The following SPAG16 variants were observed in gnomAD, a reference collection of about 807,000 sequenced individuals.
The protein encoded by SPAG16 is sperm associated antigen 16.
SPAG16 carries 86 observed loss-of-function variants against 80.4 expected under a neutral mutation model. The observed-to-expected ratio is 1.07, with a 90% confidence interval of 0.90 to 1.28. The LOEUF (loss-of-function observed/expected upper bound fraction) is 1.28, where lower values mean the gene tolerates loss of function less well. SPAG16 is among the 50% of genes most tolerant of loss of function. The pLI, the probability that SPAG16 is intolerant of heterozygous loss-of-function variation, is 0.00. For synonymous variants in SPAG16, 294 were observed against 265.9 expected (o/e 1.11, Z -1.03); for missense variants, 870 against 765.3 (o/e 1.14, Z -1.61).
intron 3 of SPAG16, among the ~76,000 whole-genome samples, chr2:213,302,315 T>C (rs925559277): frequency 6.6e-6 from 1 of 152,146 alleles, no homozygotes; most frequent in African/African-American, 2.4e-5. Context: ...GTATATAATG[T>C]ATAATAGGGA....
At chr2:213,654,554 A>C (rs1229070084) in intron 10 of SPAG16, among the ~76,000 whole-genome samples, 4 of 149,182 alleles carry the variant, frequency 2.7e-5, no homozygotes, top group Non-Finnish European at 6.0e-5. Flanking sequence ...AAAAAAAAAA[A>C]AAAAAAAAAA....
intron 15 of SPAG16, among the ~76,000 whole-genome samples, chr2:214,277,533 ACAGT>A (rs2125906653): frequency 6.6e-6 from 1 of 152,222 alleles, no homozygotes; most frequent in East Asian, 1.9e-4. Flanking sequence ...TTTCCTTCTG[ACAGT>A]CAGGTCCCTC....
intron 10 of SPAG16, among the ~76,000 whole-genome samples, chr2:213,686,074 A>G (rs534062893): frequency 6.6e-6 from 1 of 152,308 alleles, no homozygotes; most frequent in African/African-American, 2.4e-5. Flanking sequence ...TAATCCAATA[A>G]TTAATGTCTA....
chr2:214,259,555 CG>C (rs1000040132), intron 15 of SPAG16, among the ~76,000 whole-genome samples: 4 of 146,556 alleles, frequency 2.7e-5, no homozygotes, highest in African/African-American at 1.0e-4. Flanking sequence ...CCCCCACACA[CG>C]TTTCGGCAGA....
chr2:214,258,603 A>G (rs1020284860), intron 15 of SPAG16, among the ~76,000 whole-genome samples: 3 of 151,798 alleles, frequency 2.0e-5, no homozygotes, highest in Non-Finnish European at 4.4e-5. Context: ...TGCTGTAAAC[A>G]TGCGGGGGCA....
intron 3 of SPAG16, among the ~76,000 whole-genome samples, chr2:213,306,601 T>C (rs879719903): frequency 1.2e-4 from 18 of 151,824 alleles, no homozygotes; most frequent in African/African-American, 3.9e-4. Flanking sequence ...CCCGTGGTGG[T>C]GAGGCTTTCT....
intron 11 of SPAG16, among the ~76,000 whole-genome samples, chr2:213,921,100 A>T (rs1395205775): frequency 6.6e-6 from 1 of 152,182 alleles, no homozygotes; most frequent in African/African-American, 2.4e-5. Flanking sequence ...CAGCTTTTGT[A>T]TCTTCCCTCC....
intron 15 of SPAG16, among the ~76,000 whole-genome samples, chr2:214,167,081 G>A (rs1277200517): frequency 2.0e-5 from 3 of 152,150 alleles, no homozygotes; most frequent in African/African-American, 7.2e-5. Context: ...CCTAATGGAA[G>A]TTAATAAAGC....
intron 10 of SPAG16, among the ~76,000 whole-genome samples, chr2:213,847,784 C>T (rs1481746295): frequency 3.9e-5 from 6 of 152,110 alleles, no homozygotes; most frequent in South Asian, 2.1e-4. Context: ...ACAGCAAACA[C>T]GGACCTCTCC....
intron 10 of SPAG16, among the ~76,000 whole-genome samples, chr2:213,680,044 A>T (rs1271850736): frequency 1.3e-5 from 2 of 152,146 alleles, no homozygotes; most frequent in African/African-American, 4.8e-5. Context: ...AAGAGGATAC[A>T]GCACACCACC....
chr2:213,982,248 G>T (rs966578197), intron 12 of SPAG16, among the ~76,000 whole-genome samples: 2 of 151,994 alleles, frequency 1.3e-5, no homozygotes, highest in Admixed American at 1.3e-4. Context: ...ATGTGCCCAT[G>T]TATTTGGATA....
chr2:213,362,563 C>T (rs1376241645), intron 7 of SPAG16, among the ~76,000 whole-genome samples: 1 of 152,170 alleles, frequency 6.6e-6, no homozygotes, highest in African/African-American at 2.4e-5. Context: ...CTGTTGGTAG[C>T]ATGAACCTAT....
chr2:214,161,004 A>G (rs1435524832), intron 15 of SPAG16, among the ~76,000 whole-genome samples: 2 of 152,038 alleles, frequency 1.3e-5, no homozygotes, highest in Non-Finnish European at 2.9e-5. Flanking sequence ...TATTTAGATT[A>G]TATTGAGTCA....
chr2:213,628,647 G>C (rs2062041236), intron 10 of SPAG16, among the ~76,000 whole-genome samples: 1 of 152,058 alleles, frequency 6.6e-6, no homozygotes, highest in Admixed American at 6.6e-5. Context: ...TCTATTTCTT[G>C]ACTTGATTGC....
At chr2:214,035,610 C>T (rs544083110) in intron 13 of SPAG16, among the ~76,000 whole-genome samples, 5 of 152,294 alleles carry the variant, frequency 3.3e-5, no homozygotes, top group South Asian at 2.1e-4. Flanking sequence ...TTGGAGTGTG[C>T]GCCAGGAGCA....
chr2:213,935,157 G>A (rs2078934728), intron 12 of SPAG16, among the ~76,000 whole-genome samples: 1 of 143,296 alleles, frequency 7.0e-6, no homozygotes, highest in African/African-American at 2.6e-5. Context: ...AGCCGAGATA[G>A]CGCCACTGCA....
chr2:213,387,219 T>C (rs2067472708), intron 9 of SPAG16, among the ~76,000 whole-genome samples: 2 of 151,852 alleles, frequency 1.3e-5, no homozygotes. Context: ...TAGATTATAA[T>C]ATTTGTAATA....
chr2:213,319,733 G>A (rs73074947), intron 5 of SPAG16, among the ~76,000 whole-genome samples: 1,626 of 151,968 alleles, frequency 0.011, 34 homozygotes, highest in African/African-American at 0.037. Flanking sequence ...CATAAGTTTA[G>A]CTCCAGTGAC....
At chr2:213,297,975 C>T (rs1453031695) in intron 3 of SPAG16, among the ~76,000 whole-genome samples, 1 of 152,120 alleles carries the variant, frequency 6.6e-6, no homozygotes, top group South Asian at 2.1e-4. Flanking sequence ...CAGTGTTTAA[C>T]CCCTTTACTA....
Sources: gnomAD v4.1 joint callset for allele counts (sites outside exome capture counted in the v4.1 genomes callset) on GRCh38, gnomAD v4.1.1 for gene constraint, MANE v1.5 for transcripts, NCBI Gene and HGNC (gene_info 2026-07-23, HGNC 2026-07-21) for gene names.